HIBCH: variants seen among roughly 807,000 people sequenced by gnomAD.
The protein encoded by HIBCH is 3-hydroxyisobutyryl-CoA hydrolase, mitochondrial.
Under a neutral mutation model 58.2 loss-of-function variants are expected in HIBCH, and 50 were observed. That is an observed-to-expected ratio of 0.86 (90% confidence interval 0.68 to 1.09). The LOEUF (loss-of-function observed/expected upper bound fraction) is 1.09, where lower values mean the gene tolerates loss of function less well. HIBCH is among the 50% of genes least tolerant of loss of function. The pLI is 0.00. For synonymous variants in HIBCH, 151 were observed against 146.9 expected (o/e 1.03, Z -0.20); for missense variants, 450 against 449.7 (o/e 1.00, Z -0.01).
intron 1 of HIBCH, among the ~76,000 whole-genome samples, chr2:190,316,233 A>T (rs1433187050): frequency 6.6e-6 from 1 of 152,080 alleles, no homozygotes; most frequent in African/African-American, 2.4e-5. Context: ...ATGCAGCCTC[A>T]ATCTCCTGGA....
intron 1 of HIBCH, among the ~76,000 whole-genome samples, chr2:190,314,944 C>T (rs138596308): frequency 1.6e-4 from 25 of 151,838 alleles, no homozygotes; most frequent in Admixed American, 3.9e-4. Flanking sequence ...GGGCATGCAC[C>T]TCTCCGCTCC....
chr2:190,273,279 G>C (rs1183448471), intron 6 of HIBCH, among the ~76,000 whole-genome samples: 2 of 152,148 alleles, frequency 1.3e-5, no homozygotes, highest in East Asian at 1.9e-4. Flanking sequence ...TGTAATCCTA[G>C]CTACTCGGGA....
rs1235046768 is a variant in HIBCH at position 190,211,775 on chromosome 2, T to C, written c.1011+1181A>G. 6.6e-6 allele frequency among the ~76,000 whole-genome samples: 1 copy of C among 152,212 alleles called. No individual in the cohort carries two copies. The highest frequency in any genetic ancestry group is 1.9e-4 in the East Asian group (1 of 5,202). ...CTTGTTCTTTGTAGTCTCAGTAGAC[T>C]AAACCCATGAAAATAAAGGACTGTG... On this transcript the variant is annotated intron_variant, in intron 12 of 13. Transcript: ENST00000359678. This position sits in a 1 kb window ranked among gnomAD's most constrained non-coding sequence, Gnocchi z 5.0.
chr2:190,226,217 C>G (rs1685888066), intron 11 of HIBCH, among the ~76,000 whole-genome samples: 1 of 152,194 alleles, frequency 6.6e-6, no homozygotes, highest in Admixed American at 6.5e-5. Flanking sequence ...GATGCCCTCT[C>G]TCACCACTCC....
intron 8 of HIBCH, among the ~76,000 whole-genome samples, chr2:190,250,910 G>A (rs950447995): frequency 1.3e-5 from 2 of 152,196 alleles, no homozygotes; most frequent in African/African-American, 4.8e-5. Context: ...CTATCCAGCT[G>A]TTTTACTTCA....
chr2:190,287,515 T>G, intron 6 of HIBCH, 71 bp downstream of exon 6: 1 of 987,480 alleles, frequency 1.0e-6, no homozygotes, highest in South Asian at 1.3e-5. Flanking sequence ...AGCTCACTTC[T>G]GTTTAATAAT....
intron 3 of HIBCH, among the ~76,000 whole-genome samples, chr2:190,296,087 A>AT (rs1311289782): frequency 6.6e-6 from 1 of 152,122 alleles, no homozygotes; most frequent in African/African-American, 2.4e-5. Flanking sequence ...CTCACTTAGG[A>AT]AAGTTTACGG....
rs987537994 is a variant in HIBCH at position 190,215,474 on chromosome 2, G to C, written c.892-2399C>G. 1 of 152,236 alleles carries C rather than the reference G, an allele frequency of 6.6e-6. No individual in the cohort carries two copies. Among genetic ancestry groups the C allele is most frequent in the Non-Finnish European group, 1.5e-5 (1 of 68,048 alleles). The allele number at this position is 152,236 out of a possible 1,614,324, so 9.4% of individuals were successfully genotyped here. Reference sequence around the variant, plus strand: ...AAAAGGAGGAGACTCCCTCTGTGTTGCTGCAGAGGCTCAGTGATCAAATGC... The same window carrying C: ...AAAAGGAGGAGACTCCCTCTGTGTTCCTGCAGAGGCTCAGTGATCAAATGC... On this transcript the variant is annotated intron_variant, in intron 11 of 13. Coordinates refer to ENST00000359678, the MANE Select transcript of HIBCH (RefSeq NM_014362.4). This position sits in a 1 kb window ranked among gnomAD's most constrained non-coding sequence, Gnocchi z 4.4.
At chr2:190,235,682 T>C (rs1031855322) in intron 11 of HIBCH, among the ~76,000 whole-genome samples, 1 of 152,196 alleles carries the variant, frequency 6.6e-6, no homozygotes, top group African/African-American at 2.4e-5. Flanking sequence ...CTCTGCACTT[T>C]CCAAACATTT....
intron 2 of HIBCH, among the ~76,000 whole-genome samples, chr2:190,300,155 C>A (rs746376958): frequency 3.3e-5 from 5 of 152,124 alleles, no homozygotes; most frequent in Non-Finnish European, 7.4e-5. Context: ...TATGGTAGTA[C>A]AATTTATATT....
At chr2:190,191,096 C>T (rs1575672470) in intron 1 of HIBCH, among the ~76,000 whole-genome samples, 1 of 152,124 alleles carries the variant, frequency 6.6e-6, no homozygotes, top group African/African-American at 2.4e-5. Context: ...TTGTTGTCAA[C>T]TTTTGGCAAT....
chr2:190,242,676 G>C (rs371641629), intron 11 of HIBCH, among the ~76,000 whole-genome samples: 1 of 152,156 alleles, frequency 6.6e-6, no homozygotes, highest in African/African-American at 2.4e-5. Flanking sequence ...GGTAGTAGGA[G>C]GAGGTAGTCA....
In HIBCH at chr2:190,249,733, G is replaced by A. The variant is rs1686709797; in HGVS notation, c.664-7C>T. 1.9e-6 allele frequency: 3 copies of A among 1,565,968 alleles called. No individual in the cohort carries two copies. Among genetic ancestry groups the A allele is most frequent in the Middle Eastern group, 1.7e-4 (1 of 5,770 alleles). On this transcript the variant is annotated splice_polypyrimidine_tract_variant and splice_region_variant and intron_variant, in intron 8 of 13. Transcript: ENST00000359678. ...CTTCCTCTAACATGGCCAACTAAAG[G>A]GGAGGCAGAAAAAAAGGAAAGATCT...
chr2:190,221,042 T>C (rs1685704476), intron 11 of HIBCH, among the ~76,000 whole-genome samples: 1 of 152,240 alleles, frequency 6.6e-6, no homozygotes, highest in African/African-American at 2.4e-5. Flanking sequence ...GGTTATCAAT[T>C]AATTTTATAA....
chr2:190,253,997 ACCT>A (rs938468900), intron 7 of HIBCH, among the ~76,000 whole-genome samples: 2 of 151,002 alleles, frequency 1.3e-5, no homozygotes, highest in African/African-American at 4.9e-5. Context: ...CACAGACACC[ACCT>A]CCTCTGCTTG....
rs1043068437 is a variant in HIBCH at position 190,217,715 on chromosome 2, G to A, written c.892-4640C>T. Among the ~76,000 whole-genome samples, 1 of 152,066 alleles carries A rather than the reference G, an allele frequency of 6.6e-6. No individual in the cohort carries two copies. The highest frequency in any genetic ancestry group is 1.5e-5 in the Non-Finnish European group (1 of 68,010). On this transcript the variant is annotated intron_variant, in intron 11 of 13. Coordinates refer to ENST00000359678, the MANE Select transcript of HIBCH (RefSeq NM_014362.4). The surrounding 1 kb of genome is among the most constrained non-coding windows in gnomAD (Gnocchi z 4.6). ...GGCAACTCGGTGCTAATTAAAACCT[G>A]GAAAGAAGACATGCTCCACCCAAGC...
Position 190,205,010 on chromosome 2 carries a change from C to G in HIBCH, c.*107G>C, listed in dbSNP as rs1690354358. 1.4e-6 allele frequency: 1 copy of G among 694,890 alleles called. No individual in the cohort carries two copies. Among genetic ancestry groups the G allele is most frequent in the Non-Finnish European group, 2.6e-6 (1 of 378,022 alleles). The allele number at this position is 694,890 out of a possible 1,614,324, so 43.0% of individuals were successfully genotyped here. On this transcript the variant is annotated 3_prime_UTR_variant, in exon 14 of 14. Transcript: ENST00000359678. The stretch of plus-strand genomic sequence containing the variant: ...CCCAACCATTTAAAAATGCGGAAAC[C>G]ATTCTTAGCTTACAGGGTATATAAA...
chr2:190,265,216 C>G (rs1004160544), intron 6 of HIBCH, among the ~76,000 whole-genome samples: 1 of 150,786 alleles, frequency 6.6e-6, no homozygotes, highest in Non-Finnish European at 1.5e-5. Flanking sequence ...CCAATTTCTG[C>G]TCCACTAGCT....
At position 190,249,727 on chromosome 2, in the gene HIBCH, C is replaced by T; in HGVS notation, c.664-1G>A. On this transcript the variant is annotated splice_acceptor_variant, in intron 8 of 13. Transcript: ENST00000359678. LOFTEE classifies it high-confidence loss of function. ...ACAAATCTTCCTCTAACATGGCCAA[C>T]TAAAGGGGAGGCAGAAAAAAAGGAA... The T allele has an allele frequency of 6.3e-7, 1 of 1,588,910 alleles. No homozygotes were observed. The highest frequency in any genetic ancestry group is 8.6e-7 in the Non-Finnish European group (1 of 1,157,566).
Sources: allele counts gnomAD v4.1 joint callset (sites outside exome capture counted in the v4.1 genomes callset), GRCh38; gene constraint gnomAD v4.1.1; non-coding constraint Gnocchi (gnomAD v3.1); transcripts MANE v1.5; gene names NCBI Gene and HGNC (gene_info 2026-07-23, HGNC 2026-07-21).